THADA: variants seen among roughly 807,000 people sequenced by gnomAD.
THADA encodes the protein THADA armadillo repeat containing.
In THADA, 213 loss-of-function variants were observed where a neutral mutation model predicts 219.8. That is an observed-to-expected ratio of 0.97 (90% CI 0.87 to 1.09). The LOEUF is 1.09. THADA is among the 50% of genes least tolerant of loss of function. The pLI is 0.00. For synonymous variants in THADA, 1,018 were observed against 828.9 expected, an observed-to-expected ratio of 1.23 and a Z score of -3.92; for missense variants, 2,956 against 2,311.3, an observed-to-expected ratio of 1.28 and a Z score of -5.72.
chr2:43,318,135 G>T (rs975514452), intron 31 of THADA, among the ~76,000 whole-genome samples: 2 of 152,030 alleles, frequency 1.3e-5, no homozygotes, highest in Non-Finnish European at 2.9e-5. Flanking sequence ...GAACTCCTGG[G>T]TTGAAGTAAT....
At chr2:43,558,828 T>C (rs1363817359) in intron 16 of THADA, among the ~76,000 whole-genome samples, 3 of 152,206 alleles carry the variant, frequency 2.0e-5, no homozygotes, top group Non-Finnish European at 4.4e-5. Context: ...TTTTAAATCT[T>C]GAATGCCTAT....
chr2:43,516,932 T>C (rs918983590), intron 22 of THADA, among the ~76,000 whole-genome samples: 2 of 152,216 alleles, frequency 1.3e-5, no homozygotes, highest in African/African-American at 4.8e-5. Context: ...AATGTTTTCA[T>C]GTGGCTTTGG....
In THADA at chr2:43,326,935, C is replaced by G. The variant is rs192471616; in HGVS notation, c.4344-6395G>C. On this transcript the variant is annotated intron_variant, in intron 30 of 37. Transcript: ENST00000405975. ...CTACTGTCTGTTAAGGTCTCTAAGA[C>G]ACATGGCTTAACTTTATTAATACAG... 2.9e-4 allele frequency among the ~76,000 whole-genome samples: 44 copies of G among 152,042 alleles called. No individual in the cohort carries two copies. In the East Asian group the frequency reaches 8.5e-3, roughly 29 times the overall value.
chr2:43,236,186 C>T (rs1007342724), intron 36 of THADA, among the ~76,000 whole-genome samples: 2 of 152,130 alleles, frequency 1.3e-5, no homozygotes, highest in East Asian at 3.8e-4. Context: ...AAGGGAAGAG[C>T]TGGTGTGATG....
intron 36 of THADA, among the ~76,000 whole-genome samples, chr2:43,268,737 C>G (rs530540589): frequency 1.3e-5 from 2 of 152,174 alleles, no homozygotes; most frequent in African/African-American, 4.8e-5. Context: ...CAGAACTTCT[C>G]GGGCAGCACT....
chr2:43,472,412 G>T (rs1449629259), intron 26 of THADA, among the ~76,000 whole-genome samples: 1 of 152,188 alleles, frequency 6.6e-6, no homozygotes, highest in Non-Finnish European at 1.5e-5. Flanking sequence ...ATTAAAAATT[G>T]AAACCTATGC....
chr2:43,486,337 A>G (rs1686916397), intron 25 of THADA: 1 of 152,170 alleles, frequency 6.6e-6, no homozygotes, highest in Non-Finnish European at 1.5e-5. Context: ...CAATGTGTCA[A>G]GATGCTTTGG....
intron 36 of THADA, among the ~76,000 whole-genome samples, chr2:43,254,082 C>T (rs1454818416): frequency 6.6e-6 from 1 of 151,898 alleles, no homozygotes; most frequent in East Asian, 2.0e-4. Context: ...AGGCCTATCC[C>T]TGAACTAATC....
At chr2:43,462,119 C>G (rs1474844610) in intron 26 of THADA, among the ~76,000 whole-genome samples, 1 of 152,016 alleles carries the variant, frequency 6.6e-6, no homozygotes, top group Non-Finnish European at 1.5e-5. Flanking sequence ...TATAGAGATG[C>G]CAGAATTTTA....
At chr2:43,373,243 AAC>A (rs936645942) in intron 29 of THADA, among the ~76,000 whole-genome samples, 7 of 152,200 alleles carry the variant, frequency 4.6e-5, no homozygotes, top group African/African-American at 1.7e-4. Context: ...TACAATATAT[AAC>A]ACACAGTTTA....
chr2:43,532,241 C>T (rs957435734), intron 21 of THADA, among the ~76,000 whole-genome samples: 2 of 151,612 alleles, frequency 1.3e-5, no homozygotes, highest in Non-Finnish European at 2.9e-5. Flanking sequence ...GTAAAACCCC[C>T]GTCTCTACTA....
chr2:43,300,302 A>G (rs1402758689), intron 31 of THADA, among the ~76,000 whole-genome samples: 6 of 151,596 alleles, frequency 4.0e-5, no homozygotes, highest in African/African-American at 1.5e-4. Context: ...TGCCAGAACA[A>G]AAATTACTTT....
At chr2:43,574,242 A>G (rs1195356693) in intron 11 of THADA, 94 bp downstream of exon 11, 3 of 837,210 alleles carry the variant, frequency 3.6e-6, no homozygotes, top group Non-Finnish European at 5.4e-6. Flanking sequence ...TATAGAAGTG[A>G]TATTTAAATT....
At chr2:43,291,844 G>C (rs1674767701) in intron 33 of THADA, 76 bp from the exon 34 acceptor site, 3 of 1,319,606 alleles carry the variant, frequency 2.3e-6, no homozygotes, top group South Asian at 2.8e-5. Flanking sequence ...TTTGCAGATA[G>C]TCTGTAATCC....
rs576212676 is a variant in THADA at position 43,495,820 on chromosome 2, A to G, written c.3744+3013T>C. Among the ~76,000 whole-genome samples, 4 of 152,306 alleles carry G rather than the reference A, an allele frequency of 2.6e-5. No homozygotes were observed. In the East Asian group the frequency reaches 7.7e-4, roughly 29 times the overall value. On this transcript the variant is annotated intron_variant, in intron 25 of 37. Transcript: ENST00000405975. ...CTCCAGTATTCCTGATGGTCAAGCC[A>G]CATTCCTACCTCTCTGACTCTACTG...
intron 26 of THADA, among the ~76,000 whole-genome samples, chr2:43,482,946 G>A (rs1686413071): frequency 1.3e-5 from 2 of 152,162 alleles, no homozygotes; most frequent in Non-Finnish European, 2.9e-5. Flanking sequence ...AGAAACTGAA[G>A]TGCAAAGTGG....
At chr2:43,382,779 A>C (rs915077101) in intron 29 of THADA, among the ~76,000 whole-genome samples, 1 of 152,244 alleles carries the variant, frequency 6.6e-6, no homozygotes, top group African/African-American at 2.4e-5. Flanking sequence ...CACTGCTTAT[A>C]AAGTGACAGA....
chr2:43,287,091 T>C lies in THADA; in HGVS notation c.5011-30A>G, dbSNP rs752873773. The C allele has an allele frequency of 6.3e-6, 10 of 1,587,358 alleles. No homozygotes were observed. The South Asian group carries it at 1.1e-4, about 18-fold the overall frequency. On this transcript the variant is annotated intron_variant, in intron 34 of 37. Coordinates refer to ENST00000405975, the MANE Select transcript of THADA (RefSeq NM_022065.5). ...AAGCACAAAATGTACCTATCAGTAG[T>C]TCAGAAGATGCAACAAGGGCTGACA...
At chr2:43,539,116 C>T (rs1694974565) in intron 21 of THADA, among the ~76,000 whole-genome samples, 1 of 152,206 alleles carries the variant, frequency 6.6e-6, no homozygotes, top group African/African-American at 2.4e-5. Flanking sequence ...AATGCAAGTT[C>T]CACATTCTCC....
Sources: allele counts gnomAD v4.1 joint callset (sites outside exome capture counted in the v4.1 genomes callset), GRCh38; gene constraint gnomAD v4.1.1; transcripts MANE v1.5; gene names NCBI Gene and HGNC (gene_info 2026-07-23, HGNC 2026-07-21).